The following ACER3 variants were observed in gnomAD, a reference collection of about 807,000 sequenced individuals.
ACER3 encodes alkaline ceramidase 3.
A neutral mutation model predicts 48.9 loss-of-function variants in ACER3; 16 were observed. The ratio of observed to expected loss-of-function variants is 0.33; its 90% CI spans 0.22 to 0.50. The LOEUF is 0.50. Among genes scored for constraint, ACER3 ranks in the 20% least tolerant of loss-of-function variants. The pLI, the probability that ACER3 is intolerant of heterozygous loss-of-function variation, is 0.98. For synonymous variants in ACER3, 109 were observed against 107.8 expected (o/e 1.01, Z -0.07); for missense variants, 227 against 326.0 (o/e 0.70, Z 2.34).
intron 1 of ACER3, among the ~76,000 whole-genome samples, chr11:76,898,665 G>A (rs897049652): frequency 1.7e-4 from 26 of 151,832 alleles, no homozygotes; most frequent in South Asian, 1.2e-3. Flanking sequence ...AGCACTTTGG[G>A]AGGCCGAGGC....
At chr11:76,971,286 A>C (rs1443395463) in intron 3 of ACER3, among the ~76,000 whole-genome samples, 1 of 152,184 alleles carries the variant, frequency 6.6e-6, no homozygotes, top group East Asian at 1.9e-4. Flanking sequence ...TCACGCCTGT[A>C]ATCGCAGCAC....
chr11:77,020,294 A>C lies in ACER3; in HGVS notation c.771A>C (p.Pro257=), dbSNP rs782628003. Residue 257 remains proline (P), a synonymous_variant, in exon 11 of 11, where the codon CCA becomes CCC. Transcript: ENST00000532485. ...AACAGTTTCTCTTTGGAATCTGGCC[A>C]GTGATCCTGTTTGAGCCTCTCAGGA... is the stretch of plus-strand genomic sequence containing the variant. ...PKVKFLFGIW[P]VILFEPLRKH 6 of 1,613,898 alleles carry C rather than the reference A, an allele frequency of 3.7e-6. No homozygotes were observed. The highest frequency in any genetic ancestry group is 1.6e-4 in the Middle Eastern group (1 of 6,062).
chr11:76,918,173 C>T (rs772341518), intron 1 of ACER3, among the ~76,000 whole-genome samples: 1 of 151,872 alleles, frequency 6.6e-6, no homozygotes, highest in Non-Finnish European at 1.5e-5. Flanking sequence ...TAGTGCCTTG[C>T]ATGTAGAAAA....
intron 3 of ACER3, among the ~76,000 whole-genome samples, chr11:76,974,327 G>T (rs1948381352): frequency 6.6e-6 from 1 of 152,170 alleles, no homozygotes; most frequent in Admixed American, 6.5e-5. Context: ...AGGGCTTGAT[G>T]CCATATGGGT....
At chr11:76,983,594 C>T (rs7113911) in intron 4 of ACER3, among the ~76,000 whole-genome samples, 2 of 152,154 alleles carry the variant, frequency 1.3e-5, no homozygotes, top group Admixed American at 6.5e-5. Flanking sequence ...GAATTACAGG[C>T]GTAAGCCACT....
chr11:76,921,942 C>T (rs573132398), intron 1 of ACER3, among the ~76,000 whole-genome samples: 1 of 152,210 alleles, frequency 6.6e-6, no homozygotes, highest in East Asian at 1.9e-4. Context: ...TGAGTCTCTA[C>T]TCTGAATGCT....
intron 2 of ACER3, among the ~76,000 whole-genome samples, chr11:76,954,556 C>G (rs1456073840): frequency 6.6e-6 from 1 of 151,550 alleles, no homozygotes; most frequent in Non-Finnish European, 1.5e-5. Flanking sequence ...CTATAACTCC[C>G]CTTTTTTATG....
At chr11:76,910,758 A>C (rs1946357664) in intron 1 of ACER3, among the ~76,000 whole-genome samples, 1 of 152,232 alleles carries the variant, frequency 6.6e-6, no homozygotes, top group Non-Finnish European at 1.5e-5. Context: ...TGAAGTTAAT[A>C]TGTGAACCAG....
intron 2 of ACER3, among the ~76,000 whole-genome samples, chr11:76,949,207 A>G (rs914470033): frequency 1.3e-5 from 2 of 152,232 alleles, no homozygotes; most frequent in Non-Finnish European, 2.9e-5. Flanking sequence ...TCTTAAAACT[A>G]TAGTAAAGTG....
Position 77,005,972 on chromosome 11 carries a change from C to CGT in ACER3, c.497+7151_497+7152insGT, listed in dbSNP as rs1555020852. Among the ~76,000 whole-genome samples, 218 of 107,044 alleles carry CGT rather than the reference C, an allele frequency of 2.0e-3. 3 individuals carry two copies. The highest frequency in any genetic ancestry group is 6.8e-3 in the African/African-American group (193 of 28,530). The allele number at this position is 107,044 out of a possible 152,430, so 70.2% of individuals were successfully genotyped here. On this transcript the variant is annotated intron_variant, in intron 7 of 10. Coordinates refer to ENST00000532485, the MANE Select transcript of ACER3 (RefSeq NM_018367.7). ...TATATATGTATATTATATATATATA[C>CGT]ATATATATATATATATATATTTTTT...
intron 2 of ACER3, among the ~76,000 whole-genome samples, chr11:76,941,876 T>C (rs752669855): frequency 2.0e-5 from 3 of 152,112 alleles, no homozygotes; most frequent in Non-Finnish European, 4.4e-5. Flanking sequence ...ATCTCCTTGG[T>C]TAAATATATT....
chr11:76,968,640 A>G lies in ACER3; in HGVS notation c.268-7649A>G, dbSNP rs375507945. On this transcript the variant is annotated intron_variant, in intron 3 of 10. Transcript: ENST00000532485. ...ACAGAGCCCTCAGAAATAATGCCAC[A>G]TATCTACAACTATCTGATCTTTGAC... Among the ~76,000 whole-genome samples the G allele has an allele frequency of 7.3e-3, 1,108 of 152,338 alleles. 18 individuals carry two copies. Among genetic ancestry groups the G allele is most frequent in the East Asian group, 0.071 (369 of 5,176 alleles).
chr11:76,941,814 C>T (rs767065466), intron 2 of ACER3, among the ~76,000 whole-genome samples: 5 of 151,862 alleles, frequency 3.3e-5, no homozygotes, highest in Non-Finnish European at 7.4e-5. Context: ...TGTTTGTGTC[C>T]TCTACAATTT....
intron 2 of ACER3, among the ~76,000 whole-genome samples, chr11:76,952,955 C>T (rs1006565014): frequency 6.6e-5 from 10 of 151,992 alleles, no homozygotes; most frequent in African/African-American, 2.4e-5. Flanking sequence ...TGTGAGCCAC[C>T]GCACCCAGCC....
chr11:76,967,711 T>C (rs1948175785), intron 3 of ACER3, among the ~76,000 whole-genome samples: 1 of 152,238 alleles, frequency 6.6e-6, no homozygotes, highest in South Asian at 2.1e-4. Context: ...TCACAATAGA[T>C]GCAGCAAAGG....
At chr11:76,992,320 T>C (rs1948821413) in intron 6 of ACER3, among the ~76,000 whole-genome samples, 1 of 152,160 alleles carries the variant, frequency 6.6e-6, no homozygotes, top group Non-Finnish European at 1.5e-5. Flanking sequence ...ACCACAAAAA[T>C]ATAAAATTTG....
chr11:76,951,309 G>GT (rs1010590928), intron 2 of ACER3, among the ~76,000 whole-genome samples: 11 of 152,028 alleles, frequency 7.2e-5, no homozygotes, highest in Admixed American at 2.0e-4. Context: ...AACTAGAAGG[G>GT]TTTTTTTTAC....
At chr11:76,933,194 G>A (rs865987062) in intron 2 of ACER3, among the ~76,000 whole-genome samples, 16 of 70,394 alleles carry the variant, frequency 2.3e-4, no homozygotes, top group Middle Eastern at 7.9e-3. Context: ...ATATATATAT[G>A]AAACTTCACT....
chr11:76,889,803 G>T (rs998565536), intron 1 of ACER3, among the ~76,000 whole-genome samples: 4 of 150,864 alleles, frequency 2.7e-5, no homozygotes, highest in Non-Finnish European at 4.4e-5. Context: ...TTACTTTTTT[G>T]TATGTTTAAT....
Sources: allele counts gnomAD v4.1 joint callset (sites outside exome capture counted in the v4.1 genomes callset), GRCh38; gene constraint gnomAD v4.1.1; transcripts MANE v1.5; gene names NCBI Gene and HGNC (gene_info 2026-07-23, HGNC 2026-07-21).